Variants in HIPK3 observed in about 807,000 individuals in gnomAD.
HIPK3 encodes the protein homeodomain interacting protein kinase 3.
HIPK3 carries 47 observed loss-of-function variants against 124.2 expected under a neutral mutation model. That is an observed-to-expected ratio of 0.38 (90% CI 0.30 to 0.48). The LOEUF is 0.48. Ranked by LOEUF, HIPK3 falls within the 20% of genes least tolerant of loss-of-function variation. HIPK3 has a pLI of 0.98. For synonymous variants in HIPK3, 482 were observed against 515.2 expected, an observed-to-expected ratio of 0.94 and a Z score of 0.87; for missense variants, 1,286 against 1,454.3, an observed-to-expected ratio of 0.88 and a Z score of 1.88.
At chr11:33,269,456 T>TA (rs1395141089) in intron 1 of HIPK3, among the ~76,000 whole-genome samples, 1 of 151,762 alleles carries the variant, frequency 6.6e-6, no homozygotes, top group East Asian at 1.9e-4. Context: ...TCCAAAAACT[T>TA]AAAGTTCTGT....
intron 1 of HIPK3, among the ~76,000 whole-genome samples, chr11:33,284,445 A>G (rs201870214): frequency 6.6e-6 from 1 of 152,214 alleles, no homozygotes; most frequent in East Asian, 1.9e-4. Flanking sequence ...AGGCTTCAGC[A>G]AGAAGATATT....
At position 33,305,697 on chromosome 11, in the gene HIPK3, C is replaced by T. The variant is rs144779885; in HGVS notation, c.1097+18186C>T. On this transcript the variant is annotated intron_variant, in intron 2 of 16. Coordinates refer to ENST00000303296, the MANE Select transcript of HIPK3 (RefSeq NM_005734.5). ...TTCTCTCATCTTCCTGAAAATCTCT[C>T]GAAGACACTGATGAGTTATTTGTTA... Among the ~76,000 whole-genome samples the T allele has an allele frequency of 1.7e-3, 259 of 152,294 alleles. 6 individuals are homozygous for T. In the East Asian group the frequency reaches 0.047, roughly 27 times the overall value.
intron 2 of HIPK3, among the ~76,000 whole-genome samples, chr11:33,318,512 A>G (rs567933599): frequency 4.7e-4 from 71 of 152,330 alleles, no homozygotes; most frequent in Non-Finnish European, 7.8e-4. Context: ...CTGTTTCTTC[A>G]TCTATTAAAA....
rs1350542121 is a variant in HIPK3, at chr11:33,276,326, T to C, written c.-2-10087T>C. On this transcript the variant is annotated intron_variant, in intron 1 of 16. Transcript: ENST00000303296. ...CCTCAGTCTTTATGTTGATTTGACA[T>C]TGACCTTTTGAAGAATACTGCCATT... Among the ~76,000 whole-genome samples the C allele has an allele frequency of 7.9e-5, 12 of 152,216 alleles. 1 individual carries two copies.
intron 8 of HIPK3, among the ~76,000 whole-genome samples, chr11:33,346,299 A>G (rs1853489913): frequency 6.6e-6 from 1 of 152,210 alleles, no homozygotes. Flanking sequence ...TGGGCAAGCA[A>G]AATGGTAGCA....
chr11:33,339,882 T>G (rs114131400), intron 6 of HIPK3, among the ~76,000 whole-genome samples: 135 of 152,348 alleles, frequency 8.9e-4, no homozygotes, highest in African/African-American at 3.1e-3. Flanking sequence ...CACTGTAGGT[T>G]CTATCATATT....
At chr11:33,298,615 C>G (rs1851905010) in intron 2 of HIPK3, among the ~76,000 whole-genome samples, 1 of 152,226 alleles carries the variant, frequency 6.6e-6, no homozygotes, top group African/African-American at 2.4e-5. Context: ...TAAGAGCATT[C>G]ATGATTCATG....
chr11:33,303,203 G>T (rs1852055025), intron 2 of HIPK3, among the ~76,000 whole-genome samples: 1 of 152,104 alleles, frequency 6.6e-6, no homozygotes, highest in Non-Finnish European at 1.5e-5. Flanking sequence ...GTATTTCCAC[G>T]TAACCTATGC....
In HIPK3 at chr11:33,311,868, A is replaced by ACACACACACACT. The variant is rs1376720961; in HGVS notation, c.1098-16641_1098-16640insACACACACACTC. Among the ~76,000 whole-genome samples the ACACACACACACT allele has an allele frequency of 5.6e-5, 8 of 141,986 alleles. No homozygotes were observed. The East Asian group carries it at 1.0e-3, about 19-fold the overall frequency. 93.1% of individuals were successfully genotyped at this position (141,986 alleles called of 152,430 possible). ...CACACACACACACACACACACACAC[A>ACACACACACACT]CTACACACACACACTTGGGCAACAT... On this transcript the variant is annotated intron_variant, in intron 2 of 16. Transcript: ENST00000303296.
chr11:33,331,642 A>G (rs867963164), intron 3 of HIPK3, among the ~76,000 whole-genome samples: 2 of 151,788 alleles, frequency 1.3e-5, no homozygotes, highest in African/African-American at 2.4e-5. Flanking sequence ...ACCTCCAGAC[A>G]TGCTGGGATT....
chr11:33,348,702 A>G lies in HIPK3; in HGVS notation c.2550A>G (p.Ser850=). Residue 850 remains serine, a synonymous_variant, in exon 13 of 17, where the codon TCA becomes TCG. Coordinates refer to ENST00000303296, the MANE Select transcript of HIPK3 (RefSeq NM_005734.5). Reference sequence around the variant, plus strand: ...GACAGGACTCTGATTCATCAGTTTCAGACAAACAGCGGCAAACCATCATTA... The same window carrying G: ...GACAGGACTCTGATTCATCAGTTTCGGACAAACAGCGGCAAACCATCATTA... ...SIRQDSDSSV[S]DKQRQTIIIA... is the part of the protein sequence containing the mutation. 1.2e-6 allele frequency: 2 copies of G among 1,614,236 alleles called. No individual in the cohort carries two copies. The highest frequency in any genetic ancestry group is 1.7e-6 in the Non-Finnish European group (2 of 1,180,036).
At chr11:33,293,760 T>G (rs1851764092) in intron 2 of HIPK3, among the ~76,000 whole-genome samples, 1 of 152,198 alleles carries the variant, frequency 6.6e-6, no homozygotes. Flanking sequence ...AATACTTTAG[T>G]GCCTCTAAAA....
chr11:33,309,072 A>G (rs1852249759), intron 2 of HIPK3, among the ~76,000 whole-genome samples: 1 of 152,244 alleles, frequency 6.6e-6, no homozygotes, highest in South Asian at 2.1e-4. Flanking sequence ...TTTGCAAACT[A>G]GGAAGGCATA....
Position 33,285,874 on chromosome 11 carries a change from C to T in HIPK3, c.-2-539C>T, listed in dbSNP as rs143587925. ...GCAACCTCCACCTCCCAGGTTCAAG[C>T]GATTCTCCTCCCTCAGCCTCCCGAG... On this transcript the variant is annotated intron_variant, in intron 1 of 16. Transcript: ENST00000303296. Among the ~76,000 whole-genome samples, 354 of 152,040 alleles carry T rather than the reference C, an allele frequency of 2.3e-3. 1 individual carries two copies. Among genetic ancestry groups the T allele is most frequent in the South Asian group, 4.6e-3 (22 of 4,802 alleles).
At chr11:33,334,636 A>G (rs370735352) in intron 3 of HIPK3, among the ~76,000 whole-genome samples, 6 of 124,618 alleles carry the variant, frequency 4.8e-5, no homozygotes, top group African/African-American at 2.0e-4. Context: ...AAAATTAATG[A>G]TAGCTGATGA....
At chr11:33,333,040 C>T (rs1022487999) in intron 3 of HIPK3, among the ~76,000 whole-genome samples, 2 of 152,094 alleles carry the variant, frequency 1.3e-5, no homozygotes, top group Non-Finnish European at 1.5e-5. Flanking sequence ...GGGGACAGCA[C>T]CAAGCCATTC....
chr11:33,349,919 C>T (rs1853608188), intron 14 of HIPK3, among the ~76,000 whole-genome samples: 1 of 152,044 alleles, frequency 6.6e-6, no homozygotes, highest in Non-Finnish European at 1.5e-5. Flanking sequence ...AGGAACCTGC[C>T]ACCACACCTG....
At position 33,327,613 on chromosome 11, in the gene HIPK3, ATTC is replaced by A. The variant is rs1852850716; in HGVS notation, c.1098-891_1098-889del. 2.0e-5 allele frequency among the ~76,000 whole-genome samples: 3 copies of A among 152,198 alleles called. No homozygotes were observed. The South Asian group carries it at 6.2e-4, about 32-fold the overall frequency. On this transcript the variant is annotated intron_variant, in intron 2 of 16. Coordinates refer to ENST00000303296, the MANE Select transcript of HIPK3 (RefSeq NM_005734.5). Reference sequence around the variant, plus strand: ...TTGTATTGTGGTTATGTAGGAGAATATTCTTCTTTGTAGGAACTATAAAGTATA... The same window carrying A: ...TTGTATTGTGGTTATGTAGGAGAATATTCTTTGTAGGAACTATAAAGTATA...
intron 14 of HIPK3, among the ~76,000 whole-genome samples, chr11:33,349,882 C>T (rs1853606950): frequency 6.6e-6 from 1 of 152,164 alleles, no homozygotes; most frequent in Non-Finnish European, 1.5e-5. Context: ...AGTCTCCTGC[C>T]TCAGCCTCCC....
Sources: gnomAD v4.1 joint callset for allele counts (sites outside exome capture counted in the v4.1 genomes callset) on GRCh38, gnomAD v4.1.1 for gene constraint, MANE v1.5 for transcripts, NCBI Gene and HGNC (gene_info 2026-07-23, HGNC 2026-07-21) for gene names.